DOT1L: variants seen among roughly 807,000 people sequenced by gnomAD.
DOT1L encodes the protein histone-lysine N-methyltransferase, H3 lysine-79 specific.
Under a neutral mutation model 153.3 loss-of-function variants are expected in DOT1L, and 33 were observed. The ratio of observed to expected loss-of-function variants is 0.22; its 90% CI spans 0.16 to 0.29. The LOEUF (loss-of-function observed/expected upper bound fraction) is 0.29. DOT1L is among the 10% of genes least tolerant of loss of function. The pLI, the probability that DOT1L is intolerant of heterozygous loss-of-function variation, is 1.00. For missense variants in DOT1L, 1,847 were observed against 2,119.9 expected, an observed-to-expected ratio of 0.87 and a Z score of 2.53; for synonymous variants, 1,135 against 965.1, an observed-to-expected ratio of 1.18 and a Z score of -3.26.
At chr19:2,170,885 G>A (rs1022824832) in intron 1 of DOT1L, among the ~76,000 whole-genome samples, 16 of 151,988 alleles carry the variant, frequency 1.1e-4, no homozygotes, top group African/African-American at 2.7e-4. Context: ...TGTGTCTCCC[G>A]GGACCTGTCC....
chr19:2,164,393 G>T lies in DOT1L; in HGVS notation c.81+128G>T, dbSNP rs964013791. Reference sequence around the variant, plus strand: ...CGGAACGGAGACCCTGGACTCCACTGTCGCTGCTCCACCCCCGTTGCTTCC... The same window carrying T: ...CGGAACGGAGACCCTGGACTCCACTTTCGCTGCTCCACCCCCGTTGCTTCC... On this transcript the variant is annotated intron_variant, in intron 1 of 27. Transcript: ENST00000398665. 7.2e-6 allele frequency: 4 copies of T among 552,668 alleles called. No individual in the cohort carries two copies. The South Asian group carries it at 3.6e-4, about 49-fold the overall frequency. 34.2% of individuals were successfully genotyped at this position (552,668 alleles called of 1,614,324 possible). A position where few individuals can be genotyped will look rare whatever the true frequency, so the allele number is the denominator to read the frequency against.
At position 2,226,814 on chromosome 19, in the gene DOT1L, G is replaced by A. The variant is rs2024355048; in HGVS notation, c.4293G>A (p.Ala1431=). ...GCCACAACCTCTTCATCTCTGCGGC[G>A]GCCGTGCCTCCCGGAAGCCTCCTCA... The part of the protein sequence containing the change: ...KNGHNLFISA[A]AVPPGSLLSG... Residue 1431 remains alanine, a synonymous_variant, in exon 27 of 28, where the codon GCG becomes GCA. Coordinates refer to ENST00000398665, the MANE Select transcript of DOT1L (RefSeq NM_032482.3). The A allele has an allele frequency of 1.3e-6, 2 of 1,579,466 alleles. No homozygotes were observed. Among genetic ancestry groups the A allele is most frequent in the African/African-American group, 1.4e-5 (1 of 72,276 alleles).
chr19:2,218,012 CTGTAAAA>C lies in DOT1L; in HGVS notation c.2691+98_2691+104del, dbSNP rs1207166762. The C allele has an allele frequency of 4.6e-6, 7 of 1,506,226 alleles. No homozygotes were observed. In the Admixed American group the frequency reaches 1.4e-4, roughly 30 times the overall value. The allele number at this position is 1,506,226 out of a possible 1,614,324, so 93.3% of individuals were successfully genotyped here. A position where few individuals can be genotyped will look rare whatever the true frequency, so the allele number is the denominator to read the frequency against. ...CTGGCTCACTTTGCGAAGTCTCACG[CTGTAAAA>C]TGTCGAGCGTGAGGCAATGCAGTCA... On this transcript the variant is annotated intron_variant, in intron 22 of 27. Coordinates refer to ENST00000398665, the MANE Select transcript of DOT1L (RefSeq NM_032482.3).
chr19:2,177,299 A>G (rs945746484), intron 1 of DOT1L, among the ~76,000 whole-genome samples: 2 of 146,578 alleles, frequency 1.4e-5, no homozygotes, highest in African/African-American at 5.0e-5. Context: ...CGCAGGAACA[A>G]TTTTTTTTTT....
At chr19:2,218,075 G>A (rs1003529150) in intron 22 of DOT1L, among the ~76,000 whole-genome samples, 157 bp downstream of exon 22, 10 of 152,234 alleles carry the variant, frequency 6.6e-5, no homozygotes, top group African/African-American at 9.6e-5. Context: ...GGGCGTGTCC[G>A]GTGACCTGGG....
rs960969996 is a variant in DOT1L at position 2,229,960 on chromosome 19, G to T, written c.*168G>T. 1.8e-6 allele frequency: 2 copies of T among 1,085,198 alleles called. No individual in the cohort carries two copies. Among genetic ancestry groups the T allele is most frequent in the Non-Finnish European group, 1.4e-6 (1 of 735,050 alleles). 67.2% of individuals were successfully genotyped at this position (1,085,198 alleles called of 1,614,324 possible). ...CACGCGCCGCAGGAGGCTGGGACTGGTCCAGTTTGTACTGTCGATAGTTTT... is the reference window on the plus strand; with the variant it reads ...CACGCGCCGCAGGAGGCTGGGACTGTTCCAGTTTGTACTGTCGATAGTTTT... On this transcript the variant is annotated 3_prime_UTR_variant, in exon 28 of 28. Transcript: ENST00000398665.
chr19:2,209,824 C>CA (rs2144826159), intron 12 of DOT1L, among the ~76,000 whole-genome samples: 1 of 152,112 alleles, frequency 6.6e-6, no homozygotes, highest in Non-Finnish European at 1.5e-5. Flanking sequence ...AACCCGGCCT[C>CA]AGAGCCTGGT....
At chr19:2,221,472 C>T (rs1215253111) in intron 23 of DOT1L, 1 of 157,252 alleles carries the variant, frequency 6.4e-6, no homozygotes, top group Non-Finnish European at 1.4e-5. Flanking sequence ...AGGGAGGCCG[C>T]CCTTTGTCCC....
intron 19 of DOT1L, chr19:2,215,456 A>G (rs2023863903): frequency 6.6e-6 from 1 of 152,294 alleles, no homozygotes; most frequent in Non-Finnish European, 1.5e-5. Flanking sequence ...CTTTGTTCCC[A>G]GAGCCCCATC....
Position 2,216,472 on chromosome 19 carries a change from C to T in DOT1L, c.2115C>T (p.Ser705=), listed in dbSNP as rs1369172185. ...CCAAGTTCTCGCTGCCTCACTTGAG[C>T]AGCATGAGCCCGGAGCTCTCCATGA... ...DCTKFSLPHL[S]SMSPELSMNG... Residue 705 remains serine, a synonymous_variant, in exon 20 of 28, where the codon AGC becomes AGT. Transcript: ENST00000398665. The T allele has an allele frequency of 2.5e-6, 4 of 1,612,554 alleles. No individual in the cohort carries two copies. Among genetic ancestry groups the T allele is most frequent in the Non-Finnish European group, 3.4e-6 (4 of 1,179,962 alleles).
Position 2,220,552 on chromosome 19 carries a change from C to T in DOT1L, c.2806+330C>T, listed in dbSNP as rs560623329. 3.5e-5 allele frequency: 17 copies of T among 482,072 alleles called. No homozygotes were observed. Among genetic ancestry groups the T allele is most frequent in the Admixed American group, 9.3e-5 (4 of 43,228 alleles). 29.9% of individuals were successfully genotyped at this position (482,072 alleles called of 1,614,324 possible). ...AGCTGGGAGGCCCCTGACTCAGGAT[C>T]GGCTCCACACACAGCAGTGCCCAAT... On this transcript the variant is annotated intron_variant, in intron 23 of 27. Transcript: ENST00000398665. This position sits in a 1 kb window ranked among gnomAD's most constrained non-coding sequence, Gnocchi z 4.5.
At chr19:2,212,711 CAG>C (rs1188052745) in intron 16 of DOT1L, 1 of 152,284 alleles carries the variant, frequency 6.6e-6, no homozygotes, top group Non-Finnish European at 1.5e-5. Context: ...GCGATCCAAG[CAG>C]GGGCCTAGTA....
intron 1 of DOT1L, among the ~76,000 whole-genome samples, chr19:2,174,375 T>A (rs931177176): frequency 6.6e-6 from 1 of 152,036 alleles, no homozygotes; most frequent in African/African-American, 2.4e-5. Flanking sequence ...GGACCTTGGG[T>A]TGAGGGTCAA....
intron 1 of DOT1L, among the ~76,000 whole-genome samples, chr19:2,174,787 TAAAA>T (rs79261543): frequency 7.5e-6 from 1 of 133,048 alleles, no homozygotes; most frequent in Admixed American, 7.6e-5. Context: ...CCCAGCTAGT[TAAAA>T]AAAAAAAAAA....
At position 2,227,082 on chromosome 19, in the gene DOT1L, C is replaced by T. The variant is rs950079244; in HGVS notation, c.4561C>T (p.His1521Tyr). The T allele has an allele frequency of 1.3e-6, 2 of 1,565,162 alleles. No homozygotes were observed. Among genetic ancestry groups the T allele is most frequent in the Non-Finnish European group, 1.7e-6 (2 of 1,161,182 alleles). ...CGCTGCCACCAGACTGACCAACTCG[C>T]ACGCCATGGGCAGCTTTTCCGGGGT... The part of the protein sequence containing the change: ...SSAATRLTNS[H>Y]AMGSFSGVAG... Residue 1521 changes from histidine to tyrosine, a missense_variant, in exon 27 of 28, where the codon CAC becomes TAC. Physicochemically the swap from His to Tyr is moderately conservative, Grantham distance 83. This residue lies in a region of DOT1L where 934 missense variants were observed against 825.3 expected (regional missense o/e 1.13). Transcript: ENST00000398665.
At chr19:2,188,921 C>G (rs1165084060) in intron 3 of DOT1L, among the ~76,000 whole-genome samples, 10 of 152,194 alleles carry the variant, frequency 6.6e-5, no homozygotes, top group Admixed American at 6.5e-4. Context: ...CTCACGTGCC[C>G]CACAGACAGT....
chr19:2,207,740 C>T lies in DOT1L; in HGVS notation c.963+60C>T. On this transcript the variant is annotated intron_variant, in intron 11 of 27. Coordinates refer to ENST00000398665, the MANE Select transcript of DOT1L (RefSeq NM_032482.3). This position sits in a 1 kb window ranked among gnomAD's most constrained non-coding sequence, Gnocchi z 4.5. ...TCCTGGTCTTCCACCCCGCCCACGTCACACTGCTCTCTCCTTTCTCATGTG... is the reference window on the plus strand; with the variant it reads ...TCCTGGTCTTCCACCCCGCCCACGTTACACTGCTCTCTCCTTTCTCATGTG... 3 of 1,431,634 alleles carry T rather than the reference C, an allele frequency of 2.1e-6. No individual in the cohort carries two copies. The highest frequency in any genetic ancestry group is 9.5e-7 in the Non-Finnish European group (1 of 1,049,414). The allele number at this position is 1,431,634 out of a possible 1,614,324, so 88.7% of individuals were successfully genotyped here. A position where few individuals can be genotyped will look rare whatever the true frequency, so the allele number is the denominator to read the frequency against.
rs1277482575 is a variant in DOT1L at position 2,189,759 on chromosome 19, C to G, written c.228C>G (p.Asp76Glu). ...TCGAGAGCATGCAGAGGCTCTGCGA[C>G]AAGTACAACCGTGCCATCGACAGCA... ...KSFESMQRLC[D>E]KYNRAIDSIH... The change falls in exon 4 of 28, where the codon GAC (aspartate) becomes GAG (glutamate). Residue 76 changes from aspartate (D) to glutamate (E), a missense_variant. Around this residue, in one of 8 missense-constraint regions of DOT1L, gnomAD observed 148 missense variants for 422.3 expected, o/e 0.35. Transcript: ENST00000398665. 1.2e-6 allele frequency: 2 copies of G among 1,611,968 alleles called. No individual in the cohort carries two copies. Among genetic ancestry groups the G allele is most frequent in the Admixed American group, 3.3e-5 (2 of 60,008 alleles).
chr19:2,196,746 G>A (rs780073035), intron 7 of DOT1L, among the ~76,000 whole-genome samples: 2 of 152,106 alleles, frequency 1.3e-5, no homozygotes, highest in African/African-American at 2.4e-5. Context: ...GCTGGCCGGC[G>A]CTGGCATTTC....
Sources: allele counts gnomAD v4.1 joint callset (sites outside exome capture counted in the v4.1 genomes callset), GRCh38; gene constraint gnomAD v4.1.1; regional missense constraint gnomAD v4.1.1; non-coding constraint Gnocchi (gnomAD v3.1); transcripts MANE v1.5; gene names NCBI Gene and HGNC (gene_info 2026-07-23, HGNC 2026-07-21).